The following FLT4 variants were observed in gnomAD, a reference collection of about 807,000 sequenced individuals.
FLT4 encodes vascular endothelial growth factor receptor 3.
Under a neutral mutation model 163.2 loss-of-function variants are expected in FLT4, and 30 were observed. That is an observed-to-expected ratio of 0.18 (90% CI 0.14 to 0.25). The LOEUF is 0.25. Ranked by LOEUF, FLT4 falls within the 10% of genes least tolerant of loss-of-function variation. FLT4 has a pLI of 1.00. For missense variants in FLT4, 1,510 were observed against 1,863.8 expected, an observed-to-expected ratio of 0.81 and a Z score of 3.50; for synonymous variants, 884 against 789.5, an observed-to-expected ratio of 1.12 and a Z score of -2.01.
Position 180,624,118 on chromosome 5 carries a change from A to T in FLT4, c.1422-57T>A, listed in dbSNP as rs728986. 90,582 of 1,595,112 alleles carry T rather than the reference A, an allele frequency of 0.057. 4,747 individuals are homozygous for T. Among genetic ancestry groups the T allele is most frequent in the East Asian group, 0.32 (14,446 of 44,612 alleles). On this transcript the variant is annotated intron_variant, in intron 10 of 29. Transcript: ENST00000261937. ...AGGGATACAGGCAGGAAGGGCCCAC[A>T]TGGGGGGCGGGGTCAAGCCCTTGTC...
At chr5:180,645,933 T>A (rs1765469295) in intron 1 of FLT4, among the ~76,000 whole-genome samples, 1 of 152,004 alleles carries the variant, frequency 6.6e-6, no homozygotes, top group Admixed American at 6.5e-5. Flanking sequence ...CCGAGGGGCA[T>A]CTCAGAGGGA....
rs1419789649 is a variant in FLT4 at position 180,620,060 on chromosome 5, C to T, written c.2542+113G>A. On this transcript the variant is annotated intron_variant, in intron 17 of 29. Coordinates refer to ENST00000261937, the MANE Select transcript of FLT4 (RefSeq NM_182925.5). This position sits in a 1 kb window ranked among gnomAD's most constrained non-coding sequence, Gnocchi z 4.4. ...CCCACGCCCACAGGGACAGGTCAGG[C>T]CAGGCGGAACTTCCTGGTGCAAGTT... 2.2e-6 allele frequency: 3 copies of T among 1,367,092 alleles called. No homozygotes were observed. Among genetic ancestry groups the T allele is most frequent in the Non-Finnish European group, 2.0e-6 (2 of 992,902 alleles). 84.7% of individuals were successfully genotyped at this position (1,367,092 alleles called of 1,614,324 possible). A position where few individuals can be genotyped will look rare whatever the true frequency, so the allele number is the denominator to read the frequency against.
chr5:180,619,807 G>T (rs372133282), intron 17 of FLT4, 38 bp from the exon 18 acceptor site: 11 of 1,505,672 alleles, frequency 7.3e-6, no homozygotes, highest in South Asian at 1.1e-5. Flanking sequence ...TGAGCTGTAC[G>T]GGGTGAGCGT....
chr5:180,631,227 A>G (rs1332689534), intron 2 of FLT4, among the ~76,000 whole-genome samples: 6 of 152,018 alleles, frequency 3.9e-5, no homozygotes, highest in African/African-American at 1.2e-4. Context: ...TAATCCCAGC[A>G]CTTTGGGAGG....
In FLT4 at chr5:180,630,016, GGCATCGTGCAGCAGTGGCGTGGACACGA is replaced by G; in HGVS notation, c.575_602del (p.Leu192ProfsTer44). 6.2e-7 allele frequency: 1 copy of G among 1,612,834 alleles called. No individual in the cohort carries two copies. Among genetic ancestry groups the G allele is most frequent in the Non-Finnish European group, 8.5e-7 (1 of 1,180,012 alleles). ...AGGTGGTCTCGCACTGCAGGTACAG[GGCATCGTGCAGCAGTGGCGTGGACACGA>G]GCATGCCCCGCCGGTCATCCCACAC... On this transcript the variant is annotated frameshift_variant, in exon 5 of 30. Coordinates refer to ENST00000261937, the MANE Select transcript of FLT4 (RefSeq NM_182925.5). LOFTEE classifies it high-confidence loss of function. This position sits in a 1 kb window ranked among gnomAD's most constrained non-coding sequence, Gnocchi z 6.3.
intron 27 of FLT4, among the ~76,000 whole-genome samples, chr5:180,611,082 G>T (rs2127790486): frequency 6.6e-6 from 1 of 152,250 alleles, no homozygotes; most frequent in Non-Finnish European, 1.5e-5. Flanking sequence ...TAAATAAAAA[G>T]TACCCTTGAT....
At chr5:180,628,259 G>A (rs76318460) in intron 8 of FLT4, among the ~76,000 whole-genome samples, 7,123 of 152,284 alleles carry the variant, frequency 0.047, 179 homozygotes, top group Admixed American at 0.075. Flanking sequence ...GGACGTGTTT[G>A]TGAGGGGTGC....
intron 1 of FLT4, among the ~76,000 whole-genome samples, chr5:180,641,968 G>T (rs1322045635): frequency 6.6e-6 from 1 of 151,976 alleles, no homozygotes; most frequent in Non-Finnish European, 1.5e-5. Context: ...CAGCACTTTG[G>T]GAGGCCAAGG....
At chr5:180,612,635 G>C (rs745546422) in intron 25 of FLT4, 24 bp from the exon 26 acceptor site, 1 of 1,562,836 alleles carries the variant, frequency 6.4e-7, no homozygotes, top group Non-Finnish European at 8.8e-7. Flanking sequence ...TGGGCTGCTG[G>C]ACTGCATGCA....
At chr5:180,631,623 C>A in intron 2 of FLT4, 59 bp downstream of exon 2, 1 of 1,385,816 alleles carries the variant, frequency 7.2e-7, no homozygotes, top group Non-Finnish European at 1.0e-6. Flanking sequence ...ACAGCCACCA[C>A]CTCCTGCCTT....
rs897047768 is a variant in FLT4 at position 180,602,873 on chromosome 5, G to A, written c.*319C>T. ...AGGCCACCACCCAGTGTGATGAAAG[G>A]AGGTCGCCAAAGAGACATTCCCATG... On this transcript the variant is annotated 3_prime_UTR_variant, in exon 30 of 30. Transcript: ENST00000261937. The A allele has an allele frequency of 5.1e-6, 3 of 584,988 alleles. No individual in the cohort carries two copies. The highest frequency in any genetic ancestry group is 9.1e-6 in the Non-Finnish European group (3 of 329,400). The allele number at this position is 584,988 out of a possible 1,614,324, so 36.2% of individuals were successfully genotyped here. A position where few individuals can be genotyped will look rare whatever the true frequency, so the allele number is the denominator to read the frequency against.
rs1331973030 is a variant in FLT4, at chr5:180,636,350, G to T, written c.59-4572C>A. Among the ~76,000 whole-genome samples the T allele has an allele frequency of 2.0e-5, 3 of 152,054 alleles. No individual in the cohort carries two copies. Among genetic ancestry groups the T allele is most frequent in the African/African-American group, 7.3e-5 (3 of 41,358 alleles). ...GCCTTATGTGAAGCCTGGCTTTCTG[G>T]CCACGGCACTGGCCCTGGGCGGTTA... On this transcript the variant is annotated intron_variant, in intron 1 of 29. Coordinates refer to ENST00000261937, the MANE Select transcript of FLT4 (RefSeq NM_182925.5). This position sits in a 1 kb window ranked among gnomAD's most constrained non-coding sequence, Gnocchi z 4.3.
rs762045883 is a variant in FLT4, at chr5:180,629,285, C to T, written c.959G>A (p.Arg320Gln). The T allele has an allele frequency of 1.1e-5, 18 of 1,613,090 alleles. No individual in the cohort carries two copies. Among genetic ancestry groups the T allele is most frequent in the African/African-American group, 4.0e-5 (3 of 74,948 alleles). The change falls in exon 7 of 30, where the codon CGG becomes CAG. Residue 320 changes from arginine (R) to glutamine (Q), a missense_variant. By Grantham distance (43) the Arg-to-Gln change is conservative. This residue lies in a region of FLT4 where 163 missense variants were observed against 281.1 expected (regional missense o/e 0.58). Transcript: ENST00000261937. ...CKANNGIQRF[R>Q]ESTEVIVHEN... Reference sequence around the variant, plus strand: ...ATGCACAATGACCTCGGTGCTCTCCCGAAATCGCTGGATGCCGTTGTTGGC... The same window carrying T: ...ATGCACAATGACCTCGGTGCTCTCCTGAAATCGCTGGATGCCGTTGTTGGC...
intron 1 of FLT4, among the ~76,000 whole-genome samples, chr5:180,639,525 T>G (rs998004224): frequency 6.6e-6 from 1 of 150,672 alleles, no homozygotes; most frequent in Non-Finnish European, 1.5e-5. Context: ...GAAGGATGAA[T>G]GGATGGTGGA....
Position 180,614,062 on chromosome 5 carries a change from A to T in FLT4, c.3331+6T>A. The T allele has an allele frequency of 6.3e-7, 1 of 1,595,656 alleles. No individual in the cohort carries two copies. Among genetic ancestry groups the T allele is most frequent in the Non-Finnish European group, 8.6e-7 (1 of 1,163,238 alleles). The stretch of plus-strand genomic sequence containing the variant: ...TCTCCCCACCGGCACCCCATCCTGC[A>T]CTCACCCAGAGAGAAGATCTCCCAG... On this transcript the variant is annotated splice_donor_region_variant and intron_variant, in intron 24 of 29. Transcript: ENST00000261937.
Position 180,619,738 on chromosome 5 carries a change from C to T in FLT4, c.2574G>A (p.Lys858=), listed in dbSNP as rs761387979. The change falls in exon 18 of 30, where the codon AAG becomes AAA. Residue 858 remains lysine, a synonymous_variant. Coordinates refer to ENST00000261937, the MANE Select transcript of FLT4 (RefSeq NM_182925.5). The stretch of plus-strand genomic sequence containing the variant: ...TGCCGAAAGCGGAGGCTTCCACCAC[C>T]TTCCCGAAGGCGCCGTAGCCGAGCA... ...GRVLGYGAFG[K]VVEASAFGIH... is the part of the protein sequence containing the mutation. 6.2e-6 allele frequency: 10 copies of T among 1,612,592 alleles called. No individual in the cohort carries two copies. Among genetic ancestry groups the T allele is most frequent in the East Asian group, 2.2e-5 (1 of 44,878 alleles).
intron 1 of FLT4, among the ~76,000 whole-genome samples, chr5:180,632,340 C>T (rs1486670273): frequency 6.6e-6 from 1 of 152,228 alleles, no homozygotes; most frequent in Non-Finnish European, 1.5e-5. Flanking sequence ...GGTGTCACCT[C>T]ACAGGTGTCC....
Position 180,630,679 on chromosome 5 carries a change from G to A in FLT4, c.276C>T (p.Tyr92=), listed in dbSNP as rs1478461488. The A allele has an allele frequency of 2.5e-6, 4 of 1,613,138 alleles. No homozygotes were observed. Among genetic ancestry groups the A allele is most frequent in the Admixed American group, 3.3e-5 (2 of 60,032 alleles). Residue 92 remains tyrosine (Y), a synonymous_variant, in exon 3 of 30, where the codon TAC becomes TAT. Transcript: ENST00000261937. This position sits in a 1 kb window ranked among gnomAD's most constrained non-coding sequence, Gnocchi z 6.3. ...CCTCGTGCAGCAGCAACACCTTGCA[G>A]TAGGGCCTGGCGTCTGTGCCCTCGC... ...RDCEGTDARP[Y]CKVLLLHEVH...
At chr5:180,648,957 C>T (rs1047847938) in intron 1 of FLT4, among the ~76,000 whole-genome samples, 2 of 152,150 alleles carry the variant, frequency 1.3e-5, no homozygotes, top group Admixed American at 6.5e-5. Flanking sequence ...TCCCCGGCCC[C>T]TGTCCCCGCC....
Sources: gnomAD v4.1 joint callset for allele counts (sites outside exome capture counted in the v4.1 genomes callset) on GRCh38, gnomAD v4.1.1 for gene constraint, gnomAD v4.1.1 regional missense constraint, Gnocchi (gnomAD v3.1) non-coding constraint, MANE v1.5 for transcripts, NCBI Gene and HGNC (gene_info 2026-07-23, HGNC 2026-07-21) for gene names.